Variants in GREB1L observed in about 807,000 individuals in gnomAD.
GREB1L encodes the protein GREB1-like protein.
A neutral mutation model predicts 200.8 loss-of-function variants in GREB1L; 17 were observed. The observed-to-expected ratio is 0.08, with a 90% CI of 0.06 to 0.13. The LOEUF is 0.13. Among genes scored for constraint, GREB1L ranks in the 10% least tolerant of loss-of-function variants. The probability of loss-of-function intolerance (pLI) is 1.00; values close to 1 mark genes in which losing one functional copy is unlikely to be tolerated. For synonymous variants in GREB1L, 789 were observed against 893.0 expected (o/e 0.88, Z 2.08); for missense variants, 1,657 against 2,367.7 (o/e 0.70, Z 6.23).
intron 15 of GREB1L, among the ~76,000 whole-genome samples, chr18:21,469,821 A>G (rs1466723048): frequency 6.6e-6 from 1 of 152,140 alleles, no homozygotes; most frequent in Admixed American, 6.5e-5. Context: ...TGGTAATTAC[A>G]CAATTACTAA....
At chr18:21,416,091 T>C (rs1409853343) in intron 7 of GREB1L, among the ~76,000 whole-genome samples, 1 of 152,168 alleles carries the variant, frequency 6.6e-6, no homozygotes, top group African/African-American at 2.4e-5. Flanking sequence ...ATATTTCATA[T>C]CTTCAGAAAG....
At chr18:21,497,512 C>T (rs372633425) in intron 21 of GREB1L, among the ~76,000 whole-genome samples, 7 of 151,788 alleles carry the variant, frequency 4.6e-5, no homozygotes, top group Non-Finnish European at 5.9e-5. Flanking sequence ...GGCATGGTGG[C>T]GGGCGCCTGT....
intron 21 of GREB1L, among the ~76,000 whole-genome samples, chr18:21,499,446 A>G (rs1481364873): frequency 2.6e-5 from 4 of 152,150 alleles, no homozygotes; most frequent in Non-Finnish European, 2.9e-5. Context: ...CGCAGCCCAC[A>G]GTAGAGAAAG....
At chr18:21,350,242 T>C (rs902014193) in intron 1 of GREB1L, among the ~76,000 whole-genome samples, 43 of 150,094 alleles carry the variant, frequency 2.9e-4, no homozygotes, top group Non-Finnish European at 4.3e-4. Flanking sequence ...TTCTTTCTTT[T>C]TTTTTTTTTT....
chr18:21,246,482 C>T (rs1242620320), intron 1 of GREB1L, among the ~76,000 whole-genome samples: 3 of 151,988 alleles, frequency 2.0e-5, no homozygotes, highest in East Asian at 1.9e-4. Context: ...CTTTCTTTTG[C>T]TTTGCATTTC....
intron 19 of GREB1L, among the ~76,000 whole-genome samples, chr18:21,490,886 G>A (rs982070706): frequency 6.6e-6 from 1 of 151,976 alleles, no homozygotes; most frequent in African/African-American, 2.4e-5. Flanking sequence ...CTTTTTACTT[G>A]CTTTGACCCT....
At position 21,454,479 on chromosome 18, in the gene GREB1L, C is replaced by G; in HGVS notation, c.2098C>G (p.His700Asp). ...DSGSQSLDLG[H>D]FSKVDFIIIV... Reference sequence around the variant, plus strand: ...TGGCAGCCAGAGCCTGGACCTCGGTCACTTCAGCAAAGTAGACTTCATCAT... The same window carrying G: ...TGGCAGCCAGAGCCTGGACCTCGGTGACTTCAGCAAAGTAGACTTCATCAT... Residue 700 changes from histidine (H) to aspartate (D), a missense_variant, in exon 15 of 33, where the codon CAC becomes GAC. Coordinates refer to ENST00000424526, the MANE Select transcript of GREB1L (RefSeq NM_001142966.3). 1 of 1,551,620 alleles carries G rather than the reference C, an allele frequency of 6.4e-7. No individual in the cohort carries two copies. The highest frequency in any genetic ancestry group is 8.7e-7 in the Non-Finnish European group (1 of 1,146,932).
In GREB1L at chr18:21,505,887, T is replaced by C. The variant is rs2036993000; in HGVS notation, c.4306T>C (p.Tyr1436His). The C allele has an allele frequency of 6.4e-7, 1 of 1,552,098 alleles. No individual in the cohort carries two copies. The highest frequency in any genetic ancestry group is 1.4e-5 in the African/African-American group (1 of 73,032). The stretch of plus-strand genomic sequence containing the variant: ...CATAATGCTGACCAAATATGCAGCC[T>C]ATAACACCTTTCACCACTGTGAACA... ...VSIMLTKYAA[Y>H]NTFHHCEQCR... The change falls in exon 25 of 33, where the codon TAT becomes CAT. Residue 1436 changes from tyrosine (Y) to histidine (H), a missense_variant. By Grantham distance (83) the Tyr-to-His change is moderately conservative. Around this residue, in one of 9 missense-constraint regions of GREB1L, gnomAD observed 512 missense variants for 668.3 expected, o/e 0.77. Transcript: ENST00000424526.
intron 7 of GREB1L, among the ~76,000 whole-genome samples, chr18:21,411,223 T>C (rs1403284868): frequency 6.6e-6 from 1 of 151,844 alleles, no homozygotes; most frequent in Non-Finnish European, 1.5e-5. Context: ...TTTTTTTTTT[T>C]TGAGACAGAG....
chr18:21,279,578 G>A (rs1329288321), intron 1 of GREB1L, among the ~76,000 whole-genome samples: 1 of 152,182 alleles, frequency 6.6e-6, no homozygotes, highest in Non-Finnish European at 1.5e-5. Context: ...CGGAATGTAA[G>A]AGTACCAATT....
intron 7 of GREB1L, among the ~76,000 whole-genome samples, chr18:21,408,492 G>A (rs984632396): frequency 8.5e-5 from 13 of 152,190 alleles, no homozygotes; most frequent in African/African-American, 3.1e-4. Context: ...TCAGGGAAAT[G>A]CAAATCAAAA....
intron 1 of GREB1L, among the ~76,000 whole-genome samples, chr18:21,242,618 C>T (rs918705866): frequency 6.6e-6 from 1 of 152,250 alleles, no homozygotes; most frequent in East Asian, 1.9e-4. Context: ...ACCTGGGAGC[C>T]GTGCCTGCCT....
At chr18:21,339,186 C>CAA (rs573565894) in intron 1 of GREB1L, among the ~76,000 whole-genome samples, 7 of 117,678 alleles carry the variant, frequency 5.9e-5, no homozygotes, top group Non-Finnish European at 9.1e-5. Context: ...GACTCCATCT[C>CAA]AAAAAAAAAA....
intron 27 of GREB1L, among the ~76,000 whole-genome samples, chr18:21,511,237 G>T (rs1237722115): frequency 5.3e-5 from 8 of 152,048 alleles, no homozygotes; most frequent in Non-Finnish European, 1.2e-4. Flanking sequence ...GGTGGCACTT[G>T]CCTGTAATTC....
At position 21,439,502 on chromosome 18, in the gene GREB1L, C is replaced by T; in HGVS notation, c.833-19C>T. The T allele has an allele frequency of 6.9e-7, 1 of 1,440,208 alleles. No individual in the cohort carries two copies. The highest frequency in any genetic ancestry group is 9.6e-7 in the Non-Finnish European group (1 of 1,045,136). The allele number at this position is 1,440,208 out of a possible 1,614,324, so 89.2% of individuals were successfully genotyped here. A position where few individuals can be genotyped will look rare whatever the true frequency, so the allele number is the denominator to read the frequency against. On this transcript the variant is annotated intron_variant, in intron 7 of 32. Transcript: ENST00000424526. ...CGCCCAGCCTCTGTTCTGAGCACTC[C>T]TCTCCTTGTGTTCTACAGATGCTGC...
chr18:21,397,524 C>CAAAAAA (rs10719044), intron 5 of GREB1L, among the ~76,000 whole-genome samples: 2 of 103,350 alleles, frequency 1.9e-5, no homozygotes, highest in African/African-American at 6.8e-5. Context: ...GACTCCGTCT[C>CAAAAAA]AAAAAAAAAA....
intron 1 of GREB1L, among the ~76,000 whole-genome samples, chr18:21,327,650 T>TAA (rs991888884): frequency 1.5e-5 from 2 of 135,532 alleles, no homozygotes; most frequent in African/African-American, 5.4e-5. Flanking sequence ...TTTTATCTGT[T>TAA]AAAAAAAAAA....
At chr18:21,432,342 C>A (rs555018931) in intron 7 of GREB1L, among the ~76,000 whole-genome samples, 155 of 152,218 alleles carry the variant, frequency 1.0e-3, no homozygotes, top group Non-Finnish European at 2.0e-3. Context: ...ATTTATCAGT[C>A]TTTTGTTTAT....
chr18:21,360,601 C>T (rs1238139240), intron 1 of GREB1L, among the ~76,000 whole-genome samples: 9 of 152,140 alleles, frequency 5.9e-5, no homozygotes, highest in African/African-American at 2.2e-4. Flanking sequence ...AGTGAAATAG[C>T]TTGAACATTT....
Sources: allele counts gnomAD v4.1 joint callset (sites outside exome capture counted in the v4.1 genomes callset), GRCh38; gene constraint gnomAD v4.1.1; regional missense constraint gnomAD v4.1.1; transcripts MANE v1.5; gene names NCBI Gene and HGNC (gene_info 2026-07-23, HGNC 2026-07-21).